LIN52: variants seen among roughly 807,000 people sequenced by gnomAD.
LIN52 encodes protein lin-52 homolog.
LIN52 carries 4 observed loss-of-function variants against 18.5 expected under a neutral mutation model. That is an observed-to-expected ratio of 0.22 (90% CI 0.11 to 0.49). The LOEUF (loss-of-function observed/expected upper bound fraction) is 0.49, where lower values mean the gene tolerates loss of function less well. Among genes scored for constraint, LIN52 ranks in the 20% least tolerant of loss-of-function variants. LIN52 has a pLI of 0.97. For synonymous variants in LIN52, 34 were observed against 45.5 expected, an observed-to-expected ratio of 0.75 and a Z score of 1.02; for missense variants, 102 against 139.5, an observed-to-expected ratio of 0.73 and a Z score of 1.35.
rs1595150909 is a variant in LIN52 at position 74,101,180 on chromosome 14, T to C, written c.225T>C (p.Asn75=). ...LKELGSLTTA[N]LMEKVRGLQN... is the part of the protein sequence containing the mutation. ...AACTGGGGAGTCTCACCACGGCTAA[T>C]TTGATGGAGAAGGTTCGAGGCCTAC... Residue 75 remains asparagine (N), a synonymous_variant, in exon 5 of 6, where the codon AAT becomes AAC. Coordinates refer to ENST00000555028, the MANE Select transcript of LIN52 (RefSeq NM_001024674.3). 1.2e-6 allele frequency: 2 copies of C among 1,611,650 alleles called. No homozygotes were observed. The highest frequency in any genetic ancestry group is 2.7e-5 in the African/African-American group (2 of 74,872).
intron 5 of LIN52, among the ~76,000 whole-genome samples, chr14:74,183,101 CTCT>C (rs1566869449): frequency 5.7e-5 from 5 of 87,702 alleles, no homozygotes; most frequent in Admixed American, 1.3e-4. Flanking sequence ...CTCTCTCTCT[CTCT>C]TTTTTTTTTT....
chr14:74,193,767 A>T (rs571480642), intron 5 of LIN52, among the ~76,000 whole-genome samples: 1 of 152,054 alleles, frequency 6.6e-6, no homozygotes, highest in Non-Finnish European at 1.5e-5. Context: ...CCCAGGGTCA[A>T]TGTAAGAGCT....
At chr14:74,117,927 CA>C (rs3216533) in intron 5 of LIN52, among the ~76,000 whole-genome samples, 10,279 of 151,622 alleles carry the variant, frequency 0.068, 548 homozygotes, top group South Asian at 0.26. Context: ...TTGGTATAAC[CA>C]AAAAAAATTT....
intron 5 of LIN52, among the ~76,000 whole-genome samples, chr14:74,150,602 GGTT>G (rs1184563149): frequency 6.6e-6 from 1 of 151,936 alleles, no homozygotes; most frequent in African/African-American, 2.4e-5. Flanking sequence ...ACCTATATGT[GGTT>G]GTTACACAGT....
intron 5 of LIN52, among the ~76,000 whole-genome samples, chr14:74,133,642 G>A (rs540495181): frequency 3.9e-5 from 6 of 152,272 alleles, no homozygotes; most frequent in Admixed American, 1.3e-4. Flanking sequence ...TTGGAATGTT[G>A]AAAAGAGATC....
At chr14:74,151,041 C>G (rs1353228880) in intron 5 of LIN52, among the ~76,000 whole-genome samples, 1 of 152,104 alleles carries the variant, frequency 6.6e-6, no homozygotes, top group Non-Finnish European at 1.5e-5. Context: ...TTAATATAAA[C>G]CTCCTTAAAA....
intron 5 of LIN52, among the ~76,000 whole-genome samples, chr14:74,168,191 T>A (rs1295085924): frequency 6.6e-6 from 1 of 152,188 alleles, no homozygotes; most frequent in Non-Finnish European, 1.5e-5. Flanking sequence ...ATTCTATTAT[T>A]TTTGCTTTCA....
intron 5 of LIN52, among the ~76,000 whole-genome samples, chr14:74,132,284 G>A (rs1311700381): frequency 2.0e-5 from 3 of 152,082 alleles, no homozygotes; most frequent in Middle Eastern, 3.2e-3. Flanking sequence ...ATGTCTCTTC[G>A]CTTCACTCAA....
intron 5 of LIN52, among the ~76,000 whole-genome samples, chr14:74,126,598 C>T (rs867515955): frequency 6.6e-6 from 1 of 152,164 alleles, no homozygotes; most frequent in East Asian, 1.9e-4. Context: ...AATAAATCTT[C>T]AAAATATTAT....
At chr14:74,140,213 C>T (rs908980521) in intron 5 of LIN52, among the ~76,000 whole-genome samples, 3 of 152,112 alleles carry the variant, frequency 2.0e-5, no homozygotes, top group African/African-American at 7.2e-5. Flanking sequence ...TATTTAAAGG[C>T]GACTCCTTAC....
At chr14:74,098,550 GT>G (rs201139743) in intron 4 of LIN52, among the ~76,000 whole-genome samples, 151 of 140,400 alleles carry the variant, frequency 1.1e-3, no homozygotes, top group Middle Eastern at 3.6e-3. Context: ...TTTAACTCTG[GT>G]TTTTTTTTTT....
rs1491311918 is a variant in LIN52, at chr14:74,114,174, TAG to T, written c.283+12937_283+12938del. On this transcript the variant is annotated intron_variant, in intron 5 of 5. Coordinates refer to ENST00000555028, the MANE Select transcript of LIN52 (RefSeq NM_001024674.3). Reference sequence around the variant, plus strand: ...AATGCTTTTTTAATATAACTGAGATTAGTGTGTGTGTGTGTGTGTGTGTGTGT... The same window carrying T: ...AATGCTTTTTTAATATAACTGAGATTTGTGTGTGTGTGTGTGTGTGTGTGT... 2.0e-3 allele frequency: 1,657 copies of T among 814,460 alleles called. 18 individuals carry two copies. The African/African-American group carries it at 0.046, about 23-fold the overall frequency. 50.5% of individuals were successfully genotyped at this position (814,460 alleles called of 1,614,324 possible).
At chr14:74,102,510 T>C (rs1405930361) in intron 5 of LIN52, among the ~76,000 whole-genome samples, 2 of 152,248 alleles carry the variant, frequency 1.3e-5, no homozygotes, top group Non-Finnish European at 2.9e-5. Context: ...GATTAAAGTT[T>C]ATACCTTGGC....
chr14:74,094,275 A>C (rs62005139), intron 2 of LIN52, among the ~76,000 whole-genome samples: 1 of 147,840 alleles, frequency 6.8e-6, no homozygotes, highest in African/African-American at 2.5e-5. Flanking sequence ...TTTTTTTTTA[A>C]TTTGAGCAAG....
intron 2 of LIN52, among the ~76,000 whole-genome samples, chr14:74,092,111 C>T (rs574154928): frequency 1.3e-5 from 2 of 151,906 alleles, no homozygotes; most frequent in African/African-American, 4.8e-5. Context: ...GCTGGGACTA[C>T]AGGTGCATGC....
At chr14:74,186,295 AAAACAAAC>A (rs148118500) in intron 5 of LIN52, among the ~76,000 whole-genome samples, 14 of 151,674 alleles carry the variant, frequency 9.2e-5, no homozygotes, top group African/African-American at 1.2e-4. Context: ...CTGTCTCAAA[AAAACAAAC>A]AAACAAACAA....
intron 5 of LIN52, among the ~76,000 whole-genome samples, chr14:74,133,352 A>G (rs1045948133): frequency 1.3e-5 from 2 of 152,196 alleles, no homozygotes; most frequent in Non-Finnish European, 2.9e-5. Context: ...TCTAGAATAT[A>G]GGTACCAAAA....
chr14:74,130,278 G>GTGTTTTTTTTTTTTTTT (rs1566856480), intron 5 of LIN52, among the ~76,000 whole-genome samples: 34 of 64,812 alleles, frequency 5.2e-4, no homozygotes, highest in Non-Finnish European at 8.1e-4. Context: ...GCATTTTTTG[G>GTGTTTTTTTTTTTTTTT]TTTTTTTTTT....
At chr14:74,111,058 A>G (rs9323595) in intron 5 of LIN52, among the ~76,000 whole-genome samples, 34,241 of 152,142 alleles carry the variant, frequency 0.23, 4,185 homozygotes, top group South Asian at 0.46. Flanking sequence ...CAACTTTACT[A>G]TTTGGTACTT....
Sources: allele counts gnomAD v4.1 joint callset (sites outside exome capture counted in the v4.1 genomes callset), GRCh38; gene constraint gnomAD v4.1.1; transcripts MANE v1.5; gene names NCBI Gene and HGNC (gene_info 2026-07-23, HGNC 2026-07-21).